DCAF6: variants seen among roughly 807,000 people sequenced by gnomAD.
The protein encoded by DCAF6 is DDB1- and CUL4-associated factor 6.
A neutral mutation model predicts 125.1 loss-of-function variants in DCAF6; 54 were observed. The observed-to-expected ratio is 0.43, with a 90% confidence interval of 0.35 to 0.54. The LOEUF (loss-of-function observed/expected upper bound fraction) is 0.54. Among genes scored for constraint, DCAF6 ranks in the 20% least tolerant of loss-of-function variants. The probability of loss-of-function intolerance (pLI) is 0.01; values close to 1 mark genes in which losing one functional copy is unlikely to be tolerated. For synonymous variants in DCAF6, 371 were observed against 390.4 expected (o/e 0.95, Z 0.58); for missense variants, 934 against 1,161.7 (o/e 0.80, Z 2.85).
rs555347285 is a variant in DCAF6, at chr1:168,010,314, A to G, written c.1379-5467A>G. On this transcript the variant is annotated intron_variant, in intron 10 of 21. Coordinates refer to ENST00000367840, the MANE Select transcript of DCAF6 (RefSeq NM_001198956.2). ...TTTTCACTCATGTATATATGGGTGA[A>G]TATGGGTATGAAAATAATTAATTGA... Among the ~76,000 whole-genome samples the G allele has an allele frequency of 3.3e-5, 5 of 152,302 alleles. No homozygotes were observed. In the South Asian group the frequency reaches 1.0e-3, roughly 32 times the overall value.
chr1:167,885,649 C>T, the DCAF6 span, among the ~76,000 whole-genome samples: 4 of 152,008 alleles, frequency 2.6e-5, no homozygotes, highest in South Asian at 8.3e-4. Context: ...CGGAGTCTCA[C>T]TCTGTCACCT....
chr1:167,883,976 G>T, the DCAF6 span, among the ~76,000 whole-genome samples: 1 of 151,970 alleles, frequency 6.6e-6, no homozygotes, highest in African/African-American at 2.4e-5. Context: ...AATTTTTGTA[G>T]GTCTATAGTA....
At position 168,004,852 on chromosome 1, in the gene DCAF6, T is replaced by C. The variant is rs1298377792; in HGVS notation, c.1378+59T>C. ...TTTTTGATAGTGAAAATTTCTTTAC[T>C]GGCTATTTTGAAAGATACTAAATCA... is the stretch of plus-strand genomic sequence containing the variant. On this transcript the variant is annotated intron_variant, in intron 10 of 21. Transcript: ENST00000367840. The C allele has an allele frequency of 1.9e-5, 30 of 1,554,798 alleles. No homozygotes were observed. The East Asian group carries it at 6.5e-4, about 34-fold the overall frequency.
the DCAF6 span, among the ~76,000 whole-genome samples, chr1:167,889,096 T>C: frequency 7.9e-5 from 12 of 152,156 alleles, no homozygotes; most frequent in Non-Finnish European, 1.5e-4. Context: ...TCTGATTACA[T>C]AGGACTTCCA....
intron 10 of DCAF6, among the ~76,000 whole-genome samples, chr1:168,008,772 C>G (rs937051237): frequency 2.0e-5 from 3 of 151,868 alleles, no homozygotes; most frequent in African/African-American, 7.3e-5. Flanking sequence ...GATTGTTACA[C>G]TCTAGATGTA....
chr1:168,067,659 C>G (rs1290536323), intron 20 of DCAF6, among the ~76,000 whole-genome samples: 2 of 152,044 alleles, frequency 1.3e-5, no homozygotes, highest in African/African-American at 4.8e-5. Context: ...TGTGAAGGGC[C>G]CTGTGGGGCA....
the DCAF6 span, among the ~76,000 whole-genome samples, chr1:167,888,927 A>G: frequency 5.5e-3 from 826 of 151,202 alleles, 8 homozygotes; most frequent in African/African-American, 0.019. Flanking sequence ...TTTTTGTATG[A>G]TGATTTTGTA....
the DCAF6 span, among the ~76,000 whole-genome samples, chr1:167,885,588 T>C: frequency 6.6e-6 from 1 of 152,206 alleles, no homozygotes; most frequent in Non-Finnish European, 1.5e-5. Flanking sequence ...TTGTTTGCCA[T>C]TTGTATGTCT....
intron 12 of DCAF6, among the ~76,000 whole-genome samples, chr1:168,028,251 A>T (rs1557998133): frequency 6.6e-6 from 1 of 152,170 alleles, no homozygotes; most frequent in Non-Finnish European, 1.5e-5. Context: ...TCCTCTTAAA[A>T]ATATGTAGGC....
intron 3 of DCAF6, 131 bp from the exon 4 acceptor site, chr1:167,974,699 G>GC (rs1227303154): frequency 3.3e-6 from 2 of 600,804 alleles, no homozygotes; most frequent in African/African-American, 3.8e-5. Flanking sequence ...ATAATAGCTT[G>GC]CAGTCTAGTG....
At chr1:167,881,895 A>G in the DCAF6 span, among the ~76,000 whole-genome samples, 1 of 152,206 alleles carries the variant, frequency 6.6e-6, no homozygotes, top group East Asian at 1.9e-4. Context: ...ACCAGGCTGG[A>G]AGTAATCCCT....
chr1:167,972,154 G>A (rs2102872668), intron 3 of DCAF6, among the ~76,000 whole-genome samples: 1 of 152,294 alleles, frequency 6.6e-6, no homozygotes, highest in Admixed American at 6.5e-5. Flanking sequence ...GCCATGCCTG[G>A]CCCAGCTATC....
chr1:167,956,564 C>A (rs1429226529), intron 2 of DCAF6, among the ~76,000 whole-genome samples: 1 of 151,960 alleles, frequency 6.6e-6, no homozygotes, highest in East Asian at 1.9e-4. Flanking sequence ...TCATTGATTT[C>A]TGCTAATATA....
At chr1:167,947,291 ATTTT>A (rs994484880) in intron 1 of DCAF6, among the ~76,000 whole-genome samples, 2 of 137,762 alleles carry the variant, frequency 1.5e-5, no homozygotes, top group Non-Finnish European at 3.2e-5. Context: ...TGGTTTATCA[ATTTT>A]TTTTATCTCT....
At chr1:168,015,310 T>G (rs1684817788) in intron 10 of DCAF6, among the ~76,000 whole-genome samples, 1 of 152,126 alleles carries the variant, frequency 6.6e-6, no homozygotes, top group Non-Finnish European at 1.5e-5. Context: ...TTTTTAGAGC[T>G]CTTCTCAATA....
chr1:168,069,429 C>T (rs1692760068), intron 21 of DCAF6, among the ~76,000 whole-genome samples: 1 of 152,178 alleles, frequency 6.6e-6, no homozygotes, highest in Non-Finnish European at 1.5e-5. Flanking sequence ...AACTCTTTCC[C>T]ACCTCAGGGT....
At chr1:168,009,303 CT>C (rs2103117490) in intron 10 of DCAF6, among the ~76,000 whole-genome samples, 1 of 151,912 alleles carries the variant, frequency 6.6e-6, no homozygotes, top group South Asian at 2.1e-4. Context: ...CTGCCATTTT[CT>C]TTTCTTTCTC....
intron 13 of DCAF6, among the ~76,000 whole-genome samples, chr1:168,042,373 T>C (rs141970859): frequency 9.5e-4 from 144 of 152,218 alleles, no homozygotes; most frequent in African/African-American, 3.4e-3. Flanking sequence ...AGAATACTTA[T>C]TGAAAATTAT....
chr1:168,063,970 G>A (rs1238312654), intron 18 of DCAF6: 1 of 384,004 alleles, frequency 2.6e-6, no homozygotes, highest in Non-Finnish European at 4.4e-6. Context: ...CTAAAAAAAT[G>A]CAGATTAAAA....
Sources: allele counts gnomAD v4.1 joint callset (sites outside exome capture counted in the v4.1 genomes callset), GRCh38; gene constraint gnomAD v4.1.1; transcripts MANE v1.5; gene names NCBI Gene and HGNC (gene_info 2026-07-23, HGNC 2026-07-21).